The following MTA3 variants were observed in gnomAD, a reference collection of about 807,000 sequenced individuals.
MTA3 encodes metastasis associated 1 family member 3, also known as metastasis-associated protein MTA3.
A neutral mutation model predicts 83.5 loss-of-function variants in MTA3; 34 were observed. The observed-to-expected ratio is 0.41, with a 90% confidence interval of 0.31 to 0.54. The LOEUF (loss-of-function observed/expected upper bound fraction) is 0.54. MTA3 is among the 20% of genes least tolerant of loss of function. The pLI is 0.33. For missense variants in MTA3, 761 were observed against 726.4 expected, an observed-to-expected ratio of 1.05 and a Z score of -0.55; for synonymous variants, 303 against 252.7, an observed-to-expected ratio of 1.20 and a Z score of -1.89.
intron 16 of MTA3, among the ~76,000 whole-genome samples, chr2:42,735,784 C>T (rs572732478): frequency 7.2e-5 from 11 of 152,262 alleles, no homozygotes; most frequent in South Asian, 2.1e-4. Context: ...TTGCATTTTT[C>T]GCTCCAGAAT....
At chr2:42,623,831 C>T (rs868669351) in intron 4 of MTA3, among the ~76,000 whole-genome samples, 4 of 151,852 alleles carry the variant, frequency 2.6e-5, no homozygotes, top group African/African-American at 9.7e-5. Flanking sequence ...CCTGGGACTA[C>T]AGGTGTGCGC....
chr2:42,610,446 A>T (rs548200235), intron 4 of MTA3, among the ~76,000 whole-genome samples: 2 of 152,186 alleles, frequency 1.3e-5, no homozygotes, highest in Non-Finnish European at 2.9e-5. Context: ...GATTTGGGCG[A>T]TATCTCTGGT....
intron 2 of MTA3, among the ~76,000 whole-genome samples, chr2:42,548,653 T>G: frequency 7.1e-6 from 1 of 140,612 alleles, no homozygotes; most frequent in Admixed American, 7.4e-5. Context: ...TCCACAAAAA[T>G]TAAGCCAGGT....
intron 2 of MTA3, among the ~76,000 whole-genome samples, chr2:42,549,090 T>G (rs1676945880): frequency 1.5e-5 from 2 of 137,282 alleles, no homozygotes; most frequent in South Asian, 4.3e-4. Flanking sequence ...GGAGAATTGC[T>G]TGAACCTGGG....
intron 8 of MTA3, among the ~76,000 whole-genome samples, chr2:42,668,858 C>CA (rs899280193): frequency 1.3e-5 from 2 of 150,590 alleles, no homozygotes; most frequent in South Asian, 2.1e-4. Context: ...ATAATTTTTT[C>CA]AAAAAAAAAT....
At chr2:42,595,185 C>G (rs1245436564) in intron 3 of MTA3, among the ~76,000 whole-genome samples, 1 of 141,842 alleles carries the variant, frequency 7.1e-6, no homozygotes, top group East Asian at 2.1e-4. Context: ...TCTCAGCTCA[C>G]TGCAAGCTCC....
intron 8 of MTA3, among the ~76,000 whole-genome samples, chr2:42,660,907 C>T (rs1392407068): frequency 6.6e-6 from 1 of 152,174 alleles, no homozygotes; most frequent in African/African-American, 2.4e-5. Context: ...TCTTGAACTC[C>T]TCCTGGCTTT....
At chr2:42,611,341 C>CACACACACACACACCCTCACACA (rs1462110821) in intron 4 of MTA3, among the ~76,000 whole-genome samples, 1 of 149,514 alleles carries the variant, frequency 6.7e-6, no homozygotes, top group African/African-American at 2.5e-5. Flanking sequence ...ACACACACAC[C>CACACACACACACACCCTCACACA]CCCTCACACA....
intron 2 of MTA3, among the ~76,000 whole-genome samples, chr2:42,502,797 C>CAAAAA (rs3039405): frequency 5.9e-5 from 5 of 85,340 alleles, no homozygotes; most frequent in Non-Finnish European, 8.7e-5. Context: ...AACTCTGTCT[C>CAAAAA]AAAAAAAAAA....
intron 2 of MTA3, among the ~76,000 whole-genome samples, chr2:42,495,411 A>G (rs139941680): frequency 1.3e-5 from 2 of 152,316 alleles, no homozygotes; most frequent in East Asian, 3.9e-4. Flanking sequence ...TTTAGTATCT[A>G]CTAAATAGTT....
chr2:42,666,498 G>C (rs374850916), intron 8 of MTA3, among the ~76,000 whole-genome samples: 7 of 152,176 alleles, frequency 4.6e-5, no homozygotes, highest in African/African-American at 1.7e-4. Context: ...CCTTCCTTTG[G>C]TTTTGTGTCT....
intron 2 of MTA3, among the ~76,000 whole-genome samples, chr2:42,535,684 T>A (rs1360006018): frequency 2.0e-5 from 3 of 151,830 alleles, no homozygotes. Context: ...AAAATCAGGG[T>A]TATGTTGTTA....
intron 2 of MTA3, among the ~76,000 whole-genome samples, chr2:42,573,263 C>G (rs1454890865): frequency 1.3e-5 from 2 of 152,164 alleles, no homozygotes; most frequent in Non-Finnish European, 2.9e-5. Flanking sequence ...GAAGGCAAGC[C>G]TGACCTAGGA....
chr2:42,614,391 C>T (rs1684597573), intron 4 of MTA3, among the ~76,000 whole-genome samples: 1 of 152,178 alleles, frequency 6.6e-6, no homozygotes, highest in Non-Finnish European at 1.5e-5. Flanking sequence ...GCCACTGCGC[C>T]CAGCCTGATA....
intron 2 of MTA3, among the ~76,000 whole-genome samples, chr2:42,572,109 C>A (rs1469441572): frequency 6.6e-6 from 1 of 151,778 alleles, no homozygotes; most frequent in Non-Finnish European, 1.5e-5. Flanking sequence ...AACCCCGTCT[C>A]TACTAAAAAT....
chr2:42,612,416 A>G (rs1456838922), intron 4 of MTA3, among the ~76,000 whole-genome samples: 1 of 152,138 alleles, frequency 6.6e-6, no homozygotes, highest in African/African-American at 2.4e-5. Context: ...GTGTCTTGCC[A>G]TGGTGGCCAG....
Position 42,558,292 on chromosome 2 carries a change from A to G in MTA3, c.-140-12145A>G, listed in dbSNP as rs191129632. On this transcript the variant is annotated intron_variant, in intron 2 of 17. Transcript: ENST00000405592. Reference sequence around the variant, plus strand: ...GTTTCGCTCTTGGTACCCAGGCTGGAGTGCAATGGCATGATCTCGGCTCAC... The same window carrying G: ...GTTTCGCTCTTGGTACCCAGGCTGGGGTGCAATGGCATGATCTCGGCTCAC... 2.6e-3 allele frequency among the ~76,000 whole-genome samples: 336 copies of G among 129,620 alleles called. 2 individuals carry two copies. The highest frequency in any genetic ancestry group is 0.011 in the Middle Eastern group (2 of 190). The allele number at this position is 129,620 out of a possible 152,430, so 85.0% of individuals were successfully genotyped here. A position where few individuals can be genotyped will look rare whatever the true frequency, so the allele number is the denominator to read the frequency against.
intron 3 of MTA3, among the ~76,000 whole-genome samples, chr2:42,595,114 T>TTTA (rs2103963999): frequency 7.7e-6 from 1 of 130,600 alleles, no homozygotes; most frequent in African/African-American, 2.9e-5. Context: ...TCATTTTTTT[T>TTTA]TTTTTTTTTT....
intron 6 of MTA3, among the ~76,000 whole-genome samples, chr2:42,647,128 G>T (rs1377907332): frequency 2.9e-5 from 4 of 137,752 alleles, no homozygotes; most frequent in Non-Finnish European, 4.6e-5. Flanking sequence ...CTGCACTCCA[G>T]CCTGGGTGAC....
Sources: gnomAD v4.1 joint callset for allele counts (sites outside exome capture counted in the v4.1 genomes callset) on GRCh38, gnomAD v4.1.1 for gene constraint, MANE v1.5 for transcripts, NCBI Gene and HGNC (gene_info 2026-07-23, HGNC 2026-07-21) for gene names.